Variants in DPY19L1 observed in about 807,000 individuals in gnomAD.
DPY19L1 encodes the protein protein C-mannosyl-transferase DPY19L1.
In DPY19L1, 35 loss-of-function variants were observed where a neutral mutation model predicts 96.9. That is an observed-to-expected ratio of 0.36 (90% CI 0.28 to 0.48). The LOEUF (loss-of-function observed/expected upper bound fraction) is 0.48, where lower values mean the gene tolerates loss of function less well. DPY19L1 is among the 20% of genes least tolerant of loss of function. The pLI, the probability that DPY19L1 is intolerant of heterozygous loss-of-function variation, is 0.99. For missense variants in DPY19L1, 521 were observed against 777.9 expected (o/e 0.67, Z 3.93); for synonymous variants, 205 against 252.6 (o/e 0.81, Z 1.79).
chr7:34,932,195 T>C (rs918558616), intron 21 of DPY19L1, among the ~76,000 whole-genome samples: 8 of 152,310 alleles, frequency 5.3e-5, no homozygotes, highest in African/African-American at 1.9e-4. Context: ...AATGAACAAA[T>C]ATGCTTAGTT....
chr7:34,965,712 C>A (rs192861302), intron 10 of DPY19L1, among the ~76,000 whole-genome samples: 1 of 152,014 alleles, frequency 6.6e-6, no homozygotes, highest in Non-Finnish European at 1.5e-5. Flanking sequence ...ATTATGACAA[C>A]TGTAAAATTA....
In DPY19L1 at chr7:34,966,909, G is replaced by T; in HGVS notation, c.1077C>A (p.Ile359=). The change falls in exon 10 of 22, where the codon ATC becomes ATA. Residue 359 remains isoleucine (I), a synonymous_variant. Coordinates refer to ENST00000638088, the MANE Select transcript of DPY19L1 (RefSeq NM_001366673.1). ...GYIDICKLRK[I]IYIHMISLAL... is the part of the protein sequence containing the mutation. ...AAATTATTACCATGTGTATATAAAT[G>T]ATCTTCCGTAATTTACATATATCAA... is the stretch of plus-strand genomic sequence containing the variant. 1.3e-6 allele frequency: 2 copies of T among 1,536,528 alleles called. No homozygotes were observed. The highest frequency in any genetic ancestry group is 2.5e-5 in the South Asian group (2 of 79,844).
At chr7:34,977,899 A>T (rs1010605508) in intron 7 of DPY19L1, among the ~76,000 whole-genome samples, 1 of 152,146 alleles carries the variant, frequency 6.6e-6, no homozygotes, top group African/African-American at 2.4e-5. Context: ...TAAAAATCTT[A>T]TGTTGCACAA....
At chr7:34,943,238 A>C (rs1268002684) in intron 16 of DPY19L1, among the ~76,000 whole-genome samples, 1 of 152,222 alleles carries the variant, frequency 6.6e-6, no homozygotes, top group East Asian at 1.9e-4. Context: ...ATATATTAGC[A>C]AACTCAGGAC....
At chr7:35,006,597 G>A (rs1284207018) in intron 6 of DPY19L1, among the ~76,000 whole-genome samples, 4 of 152,012 alleles carry the variant, frequency 2.6e-5, no homozygotes, top group Non-Finnish European at 5.9e-5. Flanking sequence ...CATAACGTAA[G>A]TATAAATCAA....
intron 1 of DPY19L1, among the ~76,000 whole-genome samples, chr7:35,019,594 G>C (rs540379076): frequency 6.6e-6 from 1 of 152,058 alleles, no homozygotes; most frequent in South Asian, 2.1e-4. Flanking sequence ...AGGAAGAAGA[G>C]AGGAGGAAGG....
chr7:35,020,355 A>C (rs34949146), intron 1 of DPY19L1, among the ~76,000 whole-genome samples: 3,557 of 152,344 alleles, frequency 0.023, 59 homozygotes, highest in South Asian at 0.078. Flanking sequence ...ACACGTTTAC[A>C]ATATAGAGCC....
chr7:34,996,162 T>G (rs1381115130), intron 6 of DPY19L1, among the ~76,000 whole-genome samples: 2 of 152,202 alleles, frequency 1.3e-5, no homozygotes, highest in Non-Finnish European at 2.9e-5. Context: ...GTCTTGTCCA[T>G]GAAAGAAAAT....
chr7:35,037,965 G>A, upstream of DPY19L1: 2 of 1,161,292 alleles, frequency 1.7e-6, no homozygotes, highest in Non-Finnish European at 1.1e-6. Flanking sequence ...TTCGGAGCCT[G>A]TTAAGGCTGC....
At chr7:34,971,276 A>G (rs564159380) in intron 8 of DPY19L1, among the ~76,000 whole-genome samples, 77 of 152,292 alleles carry the variant, frequency 5.1e-4, no homozygotes, top group Non-Finnish European at 9.4e-4. Context: ...AAAAGACAAG[A>G]TGTCTGCCAA....
chr7:34,958,901 G>T (rs781007848), intron 10 of DPY19L1, among the ~76,000 whole-genome samples: 1 of 152,046 alleles, frequency 6.6e-6, no homozygotes, highest in Non-Finnish European at 1.5e-5. Context: ...TGTGTGAACT[G>T]CTTATTCCCA....
chr7:34,956,255 T>C (rs1178807905), intron 11 of DPY19L1, among the ~76,000 whole-genome samples: 4 of 152,220 alleles, frequency 2.6e-5, no homozygotes, highest in Non-Finnish European at 5.9e-5. Context: ...TTATCCTGGG[T>C]GATAGCAGTA....
intron 16 of DPY19L1, 30 bp downstream of exon 16, chr7:34,945,637 A>C: frequency 6.9e-7 from 1 of 1,451,704 alleles, no homozygotes; most frequent in East Asian, 2.3e-5. Flanking sequence ...TGAACAGAGG[A>C]GGTAATAAAA....
intron 1 of DPY19L1, among the ~76,000 whole-genome samples, chr7:35,024,795 G>C (rs1786083777): frequency 6.6e-6 from 1 of 152,178 alleles, no homozygotes; most frequent in Non-Finnish European, 1.5e-5. Context: ...CACGATTACA[G>C]CACCTAAATA....
At chr7:34,931,964 A>G (rs1282140664) in intron 21 of DPY19L1, among the ~76,000 whole-genome samples, 1 of 152,202 alleles carries the variant, frequency 6.6e-6, no homozygotes, top group African/African-American at 2.4e-5. Context: ...GTAGATACAT[A>G]TATCCAGGTG....
At chr7:34,971,373 G>A (rs2128668188) in intron 8 of DPY19L1, among the ~76,000 whole-genome samples, 1 of 152,246 alleles carries the variant, frequency 6.6e-6, no homozygotes, top group South Asian at 2.1e-4. Context: ...ACACTTCCAA[G>A]CAACCAGTCA....
chr7:35,003,980 G>T (rs114890570), intron 6 of DPY19L1, among the ~76,000 whole-genome samples: 1 of 152,152 alleles, frequency 6.6e-6, no homozygotes, highest in Admixed American at 6.5e-5. Context: ...TGAACAGGCC[G>T]CTCCCCACTC....
chr7:35,001,734 C>CT lies in DPY19L1; in HGVS notation c.764+8733dup, dbSNP rs1286604542. On this transcript the variant is annotated intron_variant, in intron 6 of 21. Coordinates refer to ENST00000638088, the MANE Select transcript of DPY19L1 (RefSeq NM_001366673.1). ...CCCACAATTTAGAGCTTCTATACAG[C>CT]TTTTTTTGGTCTTCTAGCCTTAATC... Among the ~76,000 whole-genome samples the CT allele has an allele frequency of 4.6e-5, 7 of 152,168 alleles. No homozygotes were observed. The South Asian group carries it at 8.3e-4, about 18-fold the overall frequency.
rs116711113 is a variant in DPY19L1 at position 35,008,452 on chromosome 7, C to T, written c.764+2016G>A. On this transcript the variant is annotated intron_variant, in intron 6 of 21. Transcript: ENST00000638088. The stretch of plus-strand genomic sequence containing the variant: ...TTATTCTCTTCAGTAGATGTTGTGC[C>T]TTCTGCCTTTGAAAAAACAGTTATA... Among the ~76,000 whole-genome samples the T allele has an allele frequency of 8.2e-3, 1,248 of 152,288 alleles. 21 individuals are homozygous for T. The highest frequency in any genetic ancestry group is 0.029 in the African/African-American group (1,195 of 41,558).
Sources: allele counts gnomAD v4.1 joint callset (sites outside exome capture counted in the v4.1 genomes callset), GRCh38; gene constraint gnomAD v4.1.1; transcripts MANE v1.5; gene names NCBI Gene and HGNC (gene_info 2026-07-23, HGNC 2026-07-21).